The following TTC6 variants were observed in gnomAD, a reference collection of about 807,000 sequenced individuals.
The protein encoded by TTC6 is tetratricopeptide repeat domain 6.
In TTC6, 172 loss-of-function variants were observed where a neutral mutation model predicts 210.4. The ratio of observed to expected loss-of-function variants is 0.82; its 90% CI spans 0.72 to 0.93. TTC6 has a LOEUF of 0.93. Ranked by LOEUF, TTC6 falls within the 40% of genes least tolerant of loss-of-function variation. The pLI, the probability that TTC6 is intolerant of heterozygous loss-of-function variation, is 0.00. For synonymous variants in TTC6, 804 were observed against 819.6 expected (o/e 0.98, Z 0.32); for missense variants, 2,414 against 2,318.1 (o/e 1.04, Z -0.85).
chr14:37,667,999 A>G (rs1453058592), intron 1 of TTC6, among the ~76,000 whole-genome samples: 3 of 149,936 alleles, frequency 2.0e-5, no homozygotes, highest in Non-Finnish European at 3.0e-5. Flanking sequence ...GCCGGGCATG[A>G]TGGTACACAC....
chr14:37,747,500 AG>A (rs1257245075), intron 10 of TTC6, among the ~76,000 whole-genome samples: 1 of 152,196 alleles, frequency 6.6e-6, no homozygotes, highest in Non-Finnish European at 1.5e-5. Flanking sequence ...GAAAGAAAAG[AG>A]TTGTATAGTA....
intron 7 of TTC6, among the ~76,000 whole-genome samples, chr14:37,735,211 A>C (rs1227941852): frequency 1.3e-5 from 2 of 152,154 alleles, no homozygotes; most frequent in African/African-American, 4.8e-5. Context: ...ATATTTTTAA[A>C]ATCTGACTTT....
intron 1 of TTC6, among the ~76,000 whole-genome samples, chr14:37,678,898 A>T (rs2095776458): frequency 6.6e-6 from 1 of 152,144 alleles, no homozygotes; most frequent in Admixed American, 6.6e-5. Flanking sequence ...TGACATTACT[A>T]AAAGGCTAGA....
intron 25 of TTC6, 114 bp downstream of exon 27, chr14:37,812,547 A>G (rs1566969612): frequency 1.1e-5 from 11 of 1,039,074 alleles, no homozygotes; most frequent in Non-Finnish European, 1.5e-5. Context: ...GCTCAACTTT[A>G]GCAAGAATTC....
intron 22 of TTC6, 23 bp from the exon 25 acceptor site, chr14:37,807,297 T>C: frequency 6.7e-7 from 1 of 1,487,112 alleles, no homozygotes; most frequent in Non-Finnish European, 9.0e-7. Context: ...CCATTCCTGC[T>C]TTCTCTCTCT....
At chr14:37,620,988 T>C (rs2095650163), upstream of TTC6, among the ~76,000 whole-genome samples, 1 of 152,228 alleles carries the variant, frequency 6.6e-6, no homozygotes, top group African/African-American at 2.4e-5. Context: ...GCTAAAAATT[T>C]TGAGTGGTTT....
intron 15 of TTC6, among the ~76,000 whole-genome samples, chr14:37,789,618 T>TATATATATATA (rs57518932): frequency 1.8e-4 from 19 of 106,080 alleles, no homozygotes; most frequent in African/African-American, 6.1e-4. Flanking sequence ...ATATATATAT[T>TATATATATATA]GTATATACTC....
intron 2 of TTC6, among the ~76,000 whole-genome samples, chr14:37,682,521 G>A (rs1333598037): frequency 6.6e-6 from 1 of 152,096 alleles, no homozygotes; most frequent in African/African-American, 2.4e-5. Context: ...TAACAACTGT[G>A]GGGTGGCTGT....
At chr14:37,717,454 C>T (rs529950802) in intron 6 of TTC6, among the ~76,000 whole-genome samples, 3 of 152,154 alleles carry the variant, frequency 2.0e-5, no homozygotes, top group East Asian at 1.9e-4. Context: ...GTTTAGATGA[C>T]GTGAAGAAAT....
In TTC6 at chr14:37,815,344, G is replaced by T. The variant is rs79724614; in HGVS notation, c.4690-2234G>T. ...GATAATTTTTTCAGGGGATTCAGGC[G>T]TCAGGGTGGCGGGGTGATGGTTTCG... On this transcript the variant is annotated intron_variant, in intron 25 of 30. Coordinates refer to ENST00000553443, the Ensembl canonical transcript of TTC6. 2.6e-5 allele frequency among the ~76,000 whole-genome samples: 4 copies of T among 152,258 alleles called. No individual in the cohort carries two copies. The South Asian group carries it at 6.2e-4, about 24-fold the overall frequency.
In TTC6 at chr14:37,725,310, GTGTATATATATATATATATATA is replaced by G. The variant is rs1393761314; in HGVS notation, c.1818+310_1818+331del. 1.1e-3 allele frequency among the ~76,000 whole-genome samples: 60 copies of G among 55,714 alleles called. 1 individual carries two copies. Among genetic ancestry groups the G allele is most frequent in the Middle Eastern group, 0.012 (1 of 86 alleles). The allele number at this position is 55,714 out of a possible 152,430, so 36.6% of individuals were successfully genotyped here. A position where few individuals can be genotyped will look rare whatever the true frequency, so the allele number is the denominator to read the frequency against. ...TATATATGTATGTATGTGTGTGTGT[GTGTATATATATATATATATATA>G]TATATATATATATATATATATATAT... On this transcript the variant is annotated intron_variant, in intron 7 of 30. Coordinates refer to ENST00000553443, the Ensembl canonical transcript of TTC6.
intron 1 of TTC6, among the ~76,000 whole-genome samples, chr14:37,655,301 A>G (rs177869): frequency 0.61 from 93,092 of 152,096 alleles, 28,900 homozygotes; most frequent in South Asian, 0.75. Flanking sequence ...ACAAAAAACC[A>G]TAAAATTCTA....
chr14:37,663,272 A>C (rs2095741112), intron 1 of TTC6, among the ~76,000 whole-genome samples: 1 of 152,052 alleles, frequency 6.6e-6, no homozygotes, highest in Non-Finnish European at 1.5e-5. Context: ...AACTTTGCTG[A>C]AGTTGTCAGC....
Position 37,751,666 on chromosome 14 carries a change from G to A in TTC6, c.3129+441G>A, listed in dbSNP as rs543517916. 5.9e-5 allele frequency among the ~76,000 whole-genome samples: 9 copies of A among 152,120 alleles called. No homozygotes were observed. The East Asian group carries it at 1.5e-3, about 26-fold the overall frequency. On this transcript the variant is annotated intron_variant, in intron 13 of 30. Transcript: ENST00000553443. ...GCTGTGCTTACTGGTTCGTTCATAC[G>A]TTCATTCACTCATTCGCTTGCTTGA...
chr14:37,636,490 T>G (rs2095680986), intron 1 of TTC6, among the ~76,000 whole-genome samples: 1 of 151,914 alleles, frequency 6.6e-6, no homozygotes, highest in African/African-American at 2.4e-5. Context: ...CCTCAAACAC[T>G]TGGAAACTAA....
intron 15 of TTC6, among the ~76,000 whole-genome samples, chr14:37,788,090 A>G (rs1414779849): frequency 6.6e-6 from 1 of 152,000 alleles, no homozygotes; most frequent in African/African-American, 2.4e-5. Context: ...AGCCCAAGGG[A>G]TTTGTCAAAT....
exon 17 of TTC6, chr14:37,792,402 A>T (rs1231071547): frequency 2.0e-6 from 3 of 1,510,352 alleles, no homozygotes; most frequent in Admixed American, 2.2e-5. Flanking sequence ...GTCGGGCGGA[A>T]ACCTATTTTA....
intron 2 of TTC6, among the ~76,000 whole-genome samples, chr14:37,613,351 G>A (rs1398947551): frequency 6.6e-6 from 1 of 151,984 alleles, no homozygotes; most frequent in Non-Finnish European, 1.5e-5. Context: ...TGGTCAAAAT[G>A]TATTATCCTT....
At position 37,721,295 on chromosome 14, in the gene TTC6, T is replaced by C. The variant is rs564778991; in HGVS notation, c.1714-3603T>C. ...GGATTATTTCAAATAACATCACACA[T>C]TGGTTATTTGGAAAATACTCTTCAG... On this transcript the variant is annotated intron_variant, in intron 6 of 30. Transcript: ENST00000553443. Among the ~76,000 whole-genome samples, 5 of 152,254 alleles carry C rather than the reference T, an allele frequency of 3.3e-5. No individual in the cohort carries two copies. In the South Asian group the frequency reaches 8.3e-4, roughly 25 times the overall value.
Sources: gnomAD v4.1 joint callset for allele counts (sites outside exome capture counted in the v4.1 genomes callset) on GRCh38, gnomAD v4.1.1 for gene constraint, MANE v1.5 for transcripts, NCBI Gene and HGNC (gene_info 2026-07-23, HGNC 2026-07-21) for gene names.